The following KCTD1 variants were observed in gnomAD, a reference collection of about 807,000 sequenced individuals.
KCTD1 encodes potassium channel tetramerization domain containing 1.
A neutral mutation model predicts 66.0 loss-of-function variants in KCTD1; 24 were observed. The ratio of observed to expected loss-of-function variants is 0.36; its 90% CI spans 0.26 to 0.51. The LOEUF (loss-of-function observed/expected upper bound fraction) is 0.51. Among genes scored for constraint, KCTD1 ranks in the 20% least tolerant of loss-of-function variants. KCTD1 has a pLI of 0.95. For synonymous variants in KCTD1, 511 were observed against 517.2 expected, an observed-to-expected ratio of 0.99 and a Z score of 0.16; for missense variants, 943 against 1,205.2, an observed-to-expected ratio of 0.78 and a Z score of 3.22.
chr18:26,657,432 C>T (rs1478253494), upstream of KCTD1: 5 of 979,134 alleles, frequency 5.1e-6, no homozygotes, highest in Admixed American at 6.2e-5. Flanking sequence ...TCCGATTTCT[C>T]TCCCAGCGAT....
chr18:26,643,700 C>T (rs149750888), upstream of KCTD1, among the ~76,000 whole-genome samples: 902 of 152,266 alleles, frequency 5.9e-3, 10 homozygotes, highest in South Asian at 0.022. Context: ...CGGTGGCTCA[C>T]GCCTGTAATC....
chr18:26,656,387 G>A (rs1000116550), intron 1 of KCTD1, among the ~76,000 whole-genome samples: 5 of 152,338 alleles, frequency 3.3e-5, no homozygotes, highest in African/African-American at 1.2e-4. Flanking sequence ...TTTATCCGGG[G>A]AGGAGGTGGG....
At chr18:26,639,224 G>A (rs575029177) in intron 1 of KCTD1, among the ~76,000 whole-genome samples, 26 of 152,314 alleles carry the variant, frequency 1.7e-4, no homozygotes, top group African/African-American at 5.5e-4. Flanking sequence ...GCGAAGTAAG[G>A]ACACAAGAAA....
chr18:26,495,401 T>C (rs879263370), intron 2 of KCTD1, among the ~76,000 whole-genome samples: 36 of 152,154 alleles, frequency 2.4e-4, no homozygotes, highest in Non-Finnish European at 2.6e-4. Context: ...AGCAATCCGG[T>C]AATGGCTAAC....
chr18:26,527,030 T>G (rs1196676002), intron 1 of KCTD1, among the ~76,000 whole-genome samples: 1 of 152,112 alleles, frequency 6.6e-6, no homozygotes, highest in Non-Finnish European at 1.5e-5. Flanking sequence ...AAACTACCTG[T>G]TTTTAACTTC....
At position 26,547,044 on chromosome 18, in the gene KCTD1, T is replaced by TGGGTGGGG; in HGVS notation, c.1485_1492dup (p.His498ProfsTer32). The TGGGTGGGG allele has an allele frequency of 4.2e-6, 1 of 239,976 alleles. No homozygotes were observed. The highest frequency in any genetic ancestry group is 7.6e-6 in the Non-Finnish European group (1 of 131,834). The allele number at this position is 239,976 out of a possible 1,614,324, so 14.9% of individuals were successfully genotyped here. On this transcript the variant is annotated frameshift_variant, in exon 1 of 5. Coordinates refer to ENST00000580059, the MANE Select transcript of KCTD1 (RefSeq NM_001142730.3). LOFTEE classifies it high-confidence loss of function. ...CTGGGGGCGGTGGTGGTGGGAGGGA[T>TGGGTGGGG]GGGTGGGGGGGTGGTGGGAGTGGTG...
At chr18:26,540,486 A>G (rs1598928989) in intron 1 of KCTD1, among the ~76,000 whole-genome samples, 1 of 152,098 alleles carries the variant, frequency 6.6e-6, no homozygotes, top group African/African-American at 2.4e-5. Flanking sequence ...GTGTTTTTCA[A>G]TGAAAGTCAC....
At chr18:26,486,082 T>C (rs1195914727) in intron 2 of KCTD1, among the ~76,000 whole-genome samples, 1 of 152,146 alleles carries the variant, frequency 6.6e-6, no homozygotes, top group Non-Finnish European at 1.5e-5. Context: ...CCAGCTAATT[T>C]TTGTATTTTA....
rs1397346434 is a variant in KCTD1 at position 26,547,051 on chromosome 18, G to C, written c.1486C>G (p.Pro496Ala). ...GAARHHSHHP[P>A]THPSHHHRPQ... ...CGGTGGTGGTGGGAGGGATGGGTGGGGGGGTGGTGGGAGTGGTGCCGTGCC... is the reference window on the plus strand; with the variant it reads ...CGGTGGTGGTGGGAGGGATGGGTGGCGGGGTGGTGGGAGTGGTGCCGTGCC... Residue 496 changes from proline to alanine, a missense_variant, in exon 1 of 5, where the codon CCC becomes GCC. Transcript: ENST00000580059. 4 of 1,494,576 alleles carry C rather than the reference G, an allele frequency of 2.7e-6. No homozygotes were observed. The highest frequency in any genetic ancestry group is 3.6e-6 in the Non-Finnish European group (4 of 1,118,502). 92.6% of individuals were successfully genotyped at this position (1,494,576 alleles called of 1,614,324 possible).
At chr18:26,635,468 C>T (rs1384185719) in intron 1 of KCTD1, among the ~76,000 whole-genome samples, 2 of 152,246 alleles carry the variant, frequency 1.3e-5, no homozygotes, top group Non-Finnish European at 2.9e-5. Context: ...GTGCCCACAC[C>T]CATGGCTGGA....
At chr18:26,575,975 C>T (rs1986216331) in intron 1 of KCTD1, among the ~76,000 whole-genome samples, 2 of 152,206 alleles carry the variant, frequency 1.3e-5, no homozygotes, top group Admixed American at 1.3e-4. Context: ...ATTCCAGACA[C>T]ATGGACGTGT....
At chr18:26,582,129 G>A (rs1019289918) in intron 1 of KCTD1, among the ~76,000 whole-genome samples, 3 of 151,766 alleles carry the variant, frequency 2.0e-5, no homozygotes, top group East Asian at 1.9e-4. Flanking sequence ...AAAAATTAGC[G>A]GGGCATATTG....
chr18:26,512,953 C>G (rs964335698), intron 1 of KCTD1, among the ~76,000 whole-genome samples: 2 of 151,990 alleles, frequency 1.3e-5, no homozygotes, highest in African/African-American at 4.8e-5. Flanking sequence ...CGCACTCCAG[C>G]CTGGGCAACG....
chr18:26,618,122 C>T (rs1445468847), intron 1 of KCTD1, among the ~76,000 whole-genome samples: 3 of 151,388 alleles, frequency 2.0e-5, no homozygotes, highest in African/African-American at 7.3e-5. Context: ...AAGACTCTGG[C>T]ACTCAAAGCC....
intron 1 of KCTD1, among the ~76,000 whole-genome samples, chr18:26,561,964 A>T (rs921690313): frequency 6.6e-6 from 1 of 152,068 alleles, no homozygotes; most frequent in African/African-American, 2.4e-5. Context: ...TAGAGTGCTG[A>T]TGTTGGGTTT....
chr18:26,542,116 A>G lies in KCTD1; in HGVS notation c.1809+4612T>C, dbSNP rs1025337031. ...CTCCTCTCTGCAGCACTTAGCAAGC[A>G]GAAAGATGCTCAGTTAACAGTGGAT... On this transcript the variant is annotated intron_variant, in intron 1 of 4. Transcript: ENST00000580059. Among the ~76,000 whole-genome samples the G allele has an allele frequency of 7.9e-5, 12 of 152,200 alleles. 1 individual carries two copies. Among genetic ancestry groups the G allele is most frequent in the East Asian group, 7.7e-4 (4 of 5,194 alleles).
chr18:26,605,480 T>C (rs766116719), intron 1 of KCTD1, among the ~76,000 whole-genome samples: 17 of 152,142 alleles, frequency 1.1e-4, no homozygotes, highest in Non-Finnish European at 2.1e-4. Flanking sequence ...AGAAAATTTT[T>C]CATTATATCT....
rs376300673 is a variant in KCTD1, at chr18:26,589,936, T to C, written c.-16+39211A>G. ...ATAACTACATGTGATACCCAGATTA[T>C]TGGCAGCCACCTTGTGAGCACAAGG... is the stretch of plus-strand genomic sequence containing the variant. On this transcript the variant is annotated intron_variant, in intron 1 of 4. Coordinates refer to the KCTD1 transcript ENST00000317932. 9.2e-5 allele frequency among the ~76,000 whole-genome samples: 14 copies of C among 152,282 alleles called. No individual in the cohort carries two copies. The East Asian group carries it at 2.3e-3, about 25-fold the overall frequency.
intron 1 of KCTD1, among the ~76,000 whole-genome samples, chr18:26,574,002 A>G (rs918510299): frequency 3.9e-5 from 6 of 152,064 alleles, no homozygotes; most frequent in Non-Finnish European, 7.4e-5. Flanking sequence ...CCAGGTTTCC[A>G]TCAAACCCCT....
Sources: allele counts gnomAD v4.1 joint callset (sites outside exome capture counted in the v4.1 genomes callset), GRCh38; gene constraint gnomAD v4.1.1; transcripts MANE v1.5; gene names NCBI Gene and HGNC (gene_info 2026-07-23, HGNC 2026-07-21).